Variants in GRID1 observed in about 807,000 individuals in gnomAD.
GRID1 encodes glutamate receptor ionotropic, delta-1.
GRID1 carries 28 observed loss-of-function variants against 98.0 expected under a neutral mutation model. That is an observed-to-expected ratio of 0.29 (90% confidence interval 0.21 to 0.39). The LOEUF is 0.39. GRID1 is among the 10% of genes least tolerant of loss of function. The pLI is 1.00. For synonymous variants in GRID1, 553 were observed against 538.5 expected, an observed-to-expected ratio of 1.03 and a Z score of -0.37; for missense variants, 1,111 against 1,340.5, an observed-to-expected ratio of 0.83 and a Z score of 2.67.
At chr10:86,179,479 G>A (rs576475797) in intron 3 of GRID1, among the ~76,000 whole-genome samples, 49 of 152,192 alleles carry the variant, frequency 3.2e-4, no homozygotes, top group Non-Finnish European at 4.9e-4. Context: ...TTTCAAGGAC[G>A]GAAACTATGG....
At chr10:86,096,877 G>C (rs1410928051) in intron 4 of GRID1, among the ~76,000 whole-genome samples, 2 of 152,162 alleles carry the variant, frequency 1.3e-5, no homozygotes, top group Admixed American at 1.3e-4. Context: ...CAGGATTCAC[G>C]GGTCCAGGAA....
chr10:86,197,655 C>T (rs780844825), intron 3 of GRID1, among the ~76,000 whole-genome samples: 3 of 152,032 alleles, frequency 2.0e-5, no homozygotes, highest in African/African-American at 4.8e-5. Flanking sequence ...CAGGACCCAG[C>T]AGCACACCGG....
intron 4 of GRID1, among the ~76,000 whole-genome samples, chr10:85,928,303 AC>A (rs1373202003): frequency 2.6e-5 from 4 of 152,228 alleles, no homozygotes; most frequent in African/African-American, 7.2e-5. Flanking sequence ...TAAAACACTT[AC>A]ATAAATACAT....
chr10:86,018,467 G>A (rs990021846), intron 4 of GRID1, among the ~76,000 whole-genome samples: 13 of 152,314 alleles, frequency 8.5e-5, no homozygotes, highest in African/African-American at 2.6e-4. Flanking sequence ...GGGGGAACTC[G>A]AGTTACACAT....
chr10:85,985,419 G>A (rs1369668521), intron 4 of GRID1, among the ~76,000 whole-genome samples: 1 of 152,176 alleles, frequency 6.6e-6, no homozygotes, highest in African/African-American at 2.4e-5. Context: ...GCTAGCAGGT[G>A]ACACCTGAAT....
chr10:85,730,196 G>A (rs757407109), intron 8 of GRID1, among the ~76,000 whole-genome samples: 1 of 152,230 alleles, frequency 6.6e-6, no homozygotes, highest in African/African-American at 2.4e-5. Flanking sequence ...CAGAGTAAAT[G>A]TGCTCTGAAT....
chr10:86,138,048 C>A (rs1273667435), intron 4 of GRID1, among the ~76,000 whole-genome samples: 2 of 152,120 alleles, frequency 1.3e-5, no homozygotes, highest in Admixed American at 1.3e-4. Flanking sequence ...GTTCAATCTG[C>A]CTCTGCTCCC....
chr10:86,361,472 A>T (rs1486478932), intron 2 of GRID1, among the ~76,000 whole-genome samples: 2 of 152,110 alleles, frequency 1.3e-5, no homozygotes, highest in Non-Finnish European at 2.9e-5. Flanking sequence ...CTAGTTCCAG[A>T]CATGCAGAAA....
chr10:86,361,588 C>T (rs1261760494), intron 2 of GRID1, among the ~76,000 whole-genome samples: 4 of 152,192 alleles, frequency 2.6e-5, no homozygotes, highest in African/African-American at 7.2e-5. Flanking sequence ...GAAAAGGCCC[C>T]TGGGTGGAAC....
chr10:85,833,659 T>C (rs186604240), intron 8 of GRID1, among the ~76,000 whole-genome samples: 8 of 152,214 alleles, frequency 5.3e-5, no homozygotes, highest in Admixed American at 1.3e-4. Context: ...AAGACCAGGA[T>C]GGATCAGATG....
intron 2 of GRID1, among the ~76,000 whole-genome samples, chr10:86,227,613 C>T (rs1846374383): frequency 1.3e-5 from 2 of 152,142 alleles, no homozygotes; most frequent in Non-Finnish European, 1.5e-5. Flanking sequence ...CCTGCTCCCA[C>T]CCCATTCCTT....
chr10:85,996,326 G>T (rs1033712390), intron 4 of GRID1, among the ~76,000 whole-genome samples: 4 of 152,156 alleles, frequency 2.6e-5, no homozygotes, highest in Non-Finnish European at 5.9e-5. Context: ...ACAAGCAATT[G>T]TGAACACTCC....
At chr10:85,891,400 C>A (rs977551870) in intron 5 of GRID1, among the ~76,000 whole-genome samples, 1 of 151,916 alleles carries the variant, frequency 6.6e-6, no homozygotes, top group Admixed American at 6.6e-5. Flanking sequence ...ATTTTGTAGA[C>A]CCAAGTGTAA....
chr10:85,828,395 A>C (rs1300530588), intron 8 of GRID1, among the ~76,000 whole-genome samples: 1 of 152,104 alleles, frequency 6.6e-6, no homozygotes, highest in Non-Finnish European at 1.5e-5. Context: ...AAAAGAAAAG[A>C]GATCAAAACA....
At chr10:85,889,100 G>A (rs936431549) in intron 5 of GRID1, among the ~76,000 whole-genome samples, 1 of 152,206 alleles carries the variant, frequency 6.6e-6, no homozygotes, top group Non-Finnish European at 1.5e-5. Flanking sequence ...TAACTGTTGG[G>A]ACAAGTTAAA....
At chr10:85,660,649 T>G (rs1840955186) in intron 12 of GRID1, among the ~76,000 whole-genome samples, 1 of 151,912 alleles carries the variant, frequency 6.6e-6, no homozygotes, top group Admixed American at 6.6e-5. Flanking sequence ...CTGTTCTGGC[T>G]GAAGTCTGGT....
intron 8 of GRID1, among the ~76,000 whole-genome samples, chr10:85,770,866 G>T (rs1277091098): frequency 6.6e-6 from 1 of 152,216 alleles, no homozygotes; most frequent in Non-Finnish European, 1.5e-5. Context: ...ACCTGAAAGT[G>T]ACGGGGAGAA....
intron 12 of GRID1, among the ~76,000 whole-genome samples, chr10:85,702,290 T>C (rs1018913664): frequency 6.6e-6 from 1 of 152,052 alleles, no homozygotes; most frequent in Admixed American, 6.6e-5. Flanking sequence ...GTAGAACTTA[T>C]ATAGTCATTA....
At chr10:86,356,600 G>A (rs566725594) in intron 2 of GRID1, among the ~76,000 whole-genome samples, 1 of 152,224 alleles carries the variant, frequency 6.6e-6, no homozygotes, top group Non-Finnish European at 1.5e-5. Context: ...GAGGGACCAA[G>A]CTCCCCACTG....
Sources: gnomAD v4.1 joint callset for allele counts (sites outside exome capture counted in the v4.1 genomes callset) on GRCh38, gnomAD v4.1.1 for gene constraint, MANE v1.5 for transcripts, NCBI Gene and HGNC (gene_info 2026-07-23, HGNC 2026-07-21) for gene names.